The following FLT3 variants were observed in gnomAD, a reference collection of about 807,000 sequenced individuals.
FLT3 encodes fms related receptor tyrosine kinase 3.
FLT3 carries 46 observed loss-of-function variants against 126.6 expected under a neutral mutation model. That is an observed-to-expected ratio of 0.36 (90% CI 0.29 to 0.46). FLT3 has a LOEUF of 0.46. Among genes scored for constraint, FLT3 ranks in the 20% least tolerant of loss-of-function variants. The pLI, the probability that FLT3 is intolerant of heterozygous loss-of-function variation, is 1.00. For synonymous variants in FLT3, 404 were observed against 434.4 expected (o/e 0.93, Z 0.87); for missense variants, 1,069 against 1,190.3 (o/e 0.90, Z 1.50).
chr13:28,046,104 G>T (rs1342564739), intron 9 of FLT3, among the ~76,000 whole-genome samples: 3 of 152,102 alleles, frequency 2.0e-5, no homozygotes, highest in Non-Finnish European at 4.4e-5. Context: ...TCACAACAAA[G>T]AATTATCCAG....
intron 15 of FLT3, among the ~76,000 whole-genome samples, chr13:28,029,608 T>C (rs1437063037): frequency 1.3e-5 from 2 of 152,206 alleles, no homozygotes; most frequent in East Asian, 1.9e-4. Context: ...GTTTGAACTC[T>C]TGGATCTGTT....
intron 1 of FLT3, among the ~76,000 whole-genome samples, chr13:28,073,987 A>T (rs552568505): frequency 6.6e-6 from 1 of 151,664 alleles, no homozygotes; most frequent in African/African-American, 2.4e-5. Flanking sequence ...AATTTTTTTT[A>T]AAAGATAGTA....
At chr13:28,099,329 T>G (rs1879671626) in intron 1 of FLT3, among the ~76,000 whole-genome samples, 1 of 152,244 alleles carries the variant, frequency 6.6e-6, no homozygotes, top group South Asian at 2.1e-4. Context: ...AATTACAGAT[T>G]TACTAACTAG....
chr13:28,068,827 T>G (rs1877259611), intron 2 of FLT3, among the ~76,000 whole-genome samples: 1 of 152,216 alleles, frequency 6.6e-6, no homozygotes, highest in African/African-American at 2.4e-5. Flanking sequence ...TCCACCCACC[T>G]TGGCCTCCCA....
At chr13:28,023,585 T>C in intron 18 of FLT3, 108 bp from the exon 19 acceptor site, 3 of 1,203,584 alleles carry the variant, frequency 2.5e-6, no homozygotes, top group Non-Finnish European at 3.6e-6. Context: ...TGCTAAGACA[T>C]GAAGCTATCG....
intron 5 of FLT3, among the ~76,000 whole-genome samples, chr13:28,051,462 C>G (rs1875455073): frequency 1.3e-5 from 2 of 151,436 alleles, no homozygotes; most frequent in Admixed American, 6.6e-5. Context: ...GTCTCGAACC[C>G]CCAACCTCAG....
chr13:28,042,146 AAAT>A (rs57260336), intron 9 of FLT3, among the ~76,000 whole-genome samples: 24,160 of 134,566 alleles, frequency 0.18, 2,339 homozygotes, highest in Admixed American at 0.25. Context: ...CCTCCATCCG[AAAT>A]AATAATAATA....
At chr13:28,084,961 C>T (rs1300650394) in intron 1 of FLT3, among the ~76,000 whole-genome samples, 2 of 123,508 alleles carry the variant, frequency 1.6e-5, no homozygotes, top group Non-Finnish European at 3.3e-5. Context: ...GGCGACAGAG[C>T]GAGCCTTCCT....
intron 1 of FLT3, 115 bp from the exon 2 acceptor site, chr13:28,070,727 T>G: frequency 2.8e-6 from 2 of 726,514 alleles, no homozygotes; most frequent in Non-Finnish European, 4.4e-6. Flanking sequence ...AATTGGCCAC[T>G]ATGAAAGTAT....
chr13:28,046,648 G>C (rs1379095479), intron 9 of FLT3, among the ~76,000 whole-genome samples: 1 of 151,730 alleles, frequency 6.6e-6, no homozygotes, highest in South Asian at 2.1e-4. Flanking sequence ...CCAGGCTGGA[G>C]TGCGGTGACG....
chr13:28,010,351 TA>T (rs1350195079), intron 23 of FLT3, among the ~76,000 whole-genome samples: 1 of 152,164 alleles, frequency 6.6e-6, no homozygotes, highest in Admixed American at 6.5e-5. Flanking sequence ...ACCCATAATA[TA>T]AAGTCATCCT....
At chr13:28,059,555 G>A (rs1050960511) in intron 3 of FLT3, among the ~76,000 whole-genome samples, 3 of 152,310 alleles carry the variant, frequency 2.0e-5, no homozygotes, top group Non-Finnish European at 4.4e-5. Flanking sequence ...TCTGTAGATA[G>A]CACATAACAT....
chr13:28,099,970 G>T (rs1879711903), intron 1 of FLT3, among the ~76,000 whole-genome samples: 2 of 152,186 alleles, frequency 1.3e-5, no homozygotes, highest in Admixed American at 6.5e-5. Flanking sequence ...GGGAGAACGC[G>T]GACGCATTTT....
At chr13:28,036,110 T>C in intron 10 of FLT3, 67 bp from the exon 11 acceptor site, 1 of 1,360,018 alleles carries the variant, frequency 7.4e-7, no homozygotes, top group East Asian at 2.3e-5. Context: ...ATAATACCAA[T>C]ACTTTGTGAA....
At chr13:28,042,468 C>G (rs1157937313) in intron 9 of FLT3, among the ~76,000 whole-genome samples, 3 of 149,034 alleles carry the variant, frequency 2.0e-5, no homozygotes, top group African/African-American at 7.4e-5. Context: ...AATGTTATCT[C>G]TGGAGGTGGA....
At chr13:28,092,910 GACT>G (rs147244668) in intron 1 of FLT3, among the ~76,000 whole-genome samples, 1 of 139,342 alleles carries the variant, frequency 7.2e-6, no homozygotes. Context: ...TCCATCCAGA[GACT>G]ACTTTTTTTT....
At chr13:28,037,112 T>A (rs1873906740) in intron 10 of FLT3, 73 bp downstream of exon 10, 8 of 905,202 alleles carry the variant, frequency 8.8e-6, no homozygotes, top group Non-Finnish European at 1.4e-5. Flanking sequence ...ATTACTTAAC[T>A]TTTCCTAGTT....
chr13:28,088,912 G>T (rs1878858884), intron 1 of FLT3, among the ~76,000 whole-genome samples: 1 of 152,072 alleles, frequency 6.6e-6, no homozygotes, highest in Non-Finnish European at 1.5e-5. Flanking sequence ...ATGAAGACAA[G>T]CCACAGACTG....
intron 9 of FLT3, among the ~76,000 whole-genome samples, chr13:28,037,873 G>A (rs1356841384): frequency 2.0e-5 from 3 of 152,164 alleles, no homozygotes; most frequent in Non-Finnish European, 2.9e-5. Context: ...AATTGCACAC[G>A]CCAGGGATCT....
Sources: allele counts gnomAD v4.1 joint callset (sites outside exome capture counted in the v4.1 genomes callset), GRCh38; gene constraint gnomAD v4.1.1; transcripts MANE v1.5; gene names NCBI Gene and HGNC (gene_info 2026-07-23, HGNC 2026-07-21).